PDE4D: variants seen among roughly 807,000 people sequenced by gnomAD.
The protein encoded by PDE4D is 3',5'-cyclic-AMP phosphodiesterase 4D.
In PDE4D, 24 loss-of-function variants were observed where a neutral mutation model predicts 87.4. That is an observed-to-expected ratio of 0.27 (90% confidence interval 0.20 to 0.39). PDE4D has a LOEUF of 0.39. PDE4D is among the 10% of genes least tolerant of loss of function. PDE4D has a pLI of 1.00. For synonymous variants in PDE4D, 384 were observed against 383.2 expected (o/e 1.00, Z -0.02); for missense variants, 714 against 1,041.0 (o/e 0.69, Z 4.32).
At chr5:59,293,751 G>T (rs1199512115) in intron 1 of PDE4D, among the ~76,000 whole-genome samples, 1 of 152,098 alleles carries the variant, frequency 6.6e-6, no homozygotes, top group Admixed American at 6.6e-5. Context: ...AGTGGGCAGG[G>T]TGCGTGTGCA....
chr5:59,570,711 G>A (rs1404904693), intron 1 of PDE4D, among the ~76,000 whole-genome samples: 5 of 151,664 alleles, frequency 3.3e-5, no homozygotes, highest in East Asian at 1.9e-4. Context: ...ATTTCTATCC[G>A]AACTAAGCTA....
intron 1 of PDE4D, among the ~76,000 whole-genome samples, chr5:59,852,827 A>G (rs935344280): frequency 4.6e-5 from 7 of 152,046 alleles, no homozygotes; most frequent in African/African-American, 1.7e-4. Context: ...ACAGGAATAA[A>G]AAAAAAAAGA....
Position 58,977,253 on chromosome 5 carries a change from C to T in PDE4D, c.1645G>A (p.Asp549Asn), listed in dbSNP as rs1238747360. 1 of 1,612,868 alleles carries T rather than the reference C, an allele frequency of 6.2e-7. No individual in the cohort carries two copies. Among genetic ancestry groups the T allele is most frequent in the Non-Finnish European group, 8.5e-7 (1 of 1,179,460 alleles). ...GFKLLQEENCDIFQNLTKKQR... is the reference protein window; with the variant it reads ...GFKLLQEENCNIFQNLTKKQR... ...TTTTTGGTCAAATTCTGGAAAATGTCACAGTTTTCTTCCTGAAGCAATTTA... is the reference window on the plus strand; with the variant it reads ...TTTTTGGTCAAATTCTGGAAAATGTTACAGTTTTCTTCCTGAAGCAATTTA... The change falls in exon 12 of 15, where the codon GAC becomes AAC. Residue 549 changes from aspartate (D) to asparagine (N), a missense_variant. Asp to Asn is a conservative substitution (Grantham distance 23, BLOSUM62 1). Coordinates refer to ENST00000340635, the MANE Select transcript of PDE4D (RefSeq NM_001104631.2).
chr5:59,493,806 G>C (rs1388263828), intron 1 of PDE4D, among the ~76,000 whole-genome samples: 1 of 152,178 alleles, frequency 6.6e-6, no homozygotes, highest in African/African-American at 2.4e-5. Context: ...ATTTATTTGT[G>C]AAAATGCATT....
intron 3 of PDE4D, among the ~76,000 whole-genome samples, chr5:59,963,097 T>C (rs1759655856): frequency 6.6e-6 from 1 of 152,106 alleles, no homozygotes. Flanking sequence ...AGCAAAAGCA[T>C]CTAGGGATGA....
chr5:60,026,091 A>G (rs1002629511), intron 2 of PDE4D, among the ~76,000 whole-genome samples: 3 of 152,208 alleles, frequency 2.0e-5, no homozygotes, highest in Non-Finnish European at 4.4e-5. Context: ...TGAGAGTTGA[A>G]TAGAGATATA....
intron 1 of PDE4D, among the ~76,000 whole-genome samples, chr5:59,812,212 G>A (rs76058795): frequency 0.022 from 3,378 of 152,242 alleles, 129 homozygotes; most frequent in African/African-American, 0.078. Flanking sequence ...TGAGGTCCAC[G>A]TCTGAAACCT....
At chr5:60,028,066 A>T (rs1466982596) in intron 2 of PDE4D, among the ~76,000 whole-genome samples, 1 of 152,060 alleles carries the variant, frequency 6.6e-6, no homozygotes, top group Non-Finnish European at 1.5e-5. Flanking sequence ...TCACTTCTCC[A>T]TTTGCTAAAT....
rs1582305522 is a variant in PDE4D, at chr5:60,038,838, G to A, written c.43-50121C>T. ...GCAGCCAAAAAACACATGAAAAAATGCTCACCATCACTGGCCATCAGAGAA... is the reference window on the plus strand; with the variant it reads ...GCAGCCAAAAAACACATGAAAAAATACTCACCATCACTGGCCATCAGAGAA... On this transcript the variant is annotated intron_variant, in intron 2 of 16. Transcript: ENST00000502484. 2.0e-5 allele frequency among the ~76,000 whole-genome samples: 3 copies of A among 151,686 alleles called. 1 individual carries two copies. The South Asian group carries it at 6.3e-4, about 32-fold the overall frequency.
chr5:59,657,349 C>T (rs192487765), intron 1 of PDE4D, among the ~76,000 whole-genome samples: 1 of 152,266 alleles, frequency 6.6e-6, no homozygotes. Context: ...CAATTCCATA[C>T]AAGGCTTGTG....
At chr5:59,069,685 G>A (rs1426781842) in intron 5 of PDE4D, among the ~76,000 whole-genome samples, 4 of 152,016 alleles carry the variant, frequency 2.6e-5, no homozygotes, top group Non-Finnish European at 4.4e-5. Flanking sequence ...GCCTTTATCC[G>A]CATTCCACTC....
At chr5:60,099,071 CATT>C (rs1293757976) in intron 2 of PDE4D, among the ~76,000 whole-genome samples, 1 of 151,898 alleles carries the variant, frequency 6.6e-6, no homozygotes, top group Non-Finnish European at 1.5e-5. Context: ...TTTACAGACT[CATT>C]ATTCTTATGT....
intron 1 of PDE4D, among the ~76,000 whole-genome samples, chr5:60,459,543 C>T (rs1746757621): frequency 6.6e-6 from 1 of 152,092 alleles, no homozygotes; most frequent in Admixed American, 6.6e-5. Context: ...ACACAGGGGC[C>T]TAGCACCCTC....
intron 5 of PDE4D, among the ~76,000 whole-genome samples, chr5:59,167,991 C>T (rs908340262): frequency 6.6e-6 from 1 of 152,094 alleles, no homozygotes; most frequent in East Asian, 1.9e-4. Flanking sequence ...GTCATAAACA[C>T]CCATCTGTTT....
chr5:60,375,625 T>C (rs1761369896), intron 1 of PDE4D, among the ~76,000 whole-genome samples: 1 of 152,216 alleles, frequency 6.6e-6, no homozygotes, highest in Non-Finnish European at 1.5e-5. Flanking sequence ...AAGGAGTCTC[T>C]TCCCTAGGCA....
At chr5:59,501,631 G>T (rs183322906) in intron 1 of PDE4D, among the ~76,000 whole-genome samples, 1 of 152,104 alleles carries the variant, frequency 6.6e-6, no homozygotes, top group Non-Finnish European at 1.5e-5. Context: ...CAGCAGTTGT[G>T]TACAATAATA....
intron 1 of PDE4D, among the ~76,000 whole-genome samples, chr5:59,488,275 C>A (rs1279321441): frequency 6.6e-6 from 1 of 151,808 alleles, no homozygotes; most frequent in Admixed American, 6.6e-5. Context: ...GCTGTAGCTT[C>A]GTTTCCTTTT....
intron 1 of PDE4D, among the ~76,000 whole-genome samples, chr5:59,370,844 C>T (rs557116035): frequency 3.7e-4 from 56 of 152,206 alleles, no homozygotes; most frequent in African/African-American, 1.1e-3. Context: ...AACACTTAAA[C>T]GTTATGATTG....
intron 1 of PDE4D, among the ~76,000 whole-genome samples, chr5:60,433,589 A>G (rs1744527976): frequency 1.3e-5 from 2 of 152,266 alleles, no homozygotes; most frequent in South Asian, 4.1e-4. Context: ...CCAAAGGAAT[A>G]TAAATCATTC....
Sources: allele counts gnomAD v4.1 joint callset (sites outside exome capture counted in the v4.1 genomes callset), GRCh38; gene constraint gnomAD v4.1.1; transcripts MANE v1.5; gene names NCBI Gene and HGNC (gene_info 2026-07-23, HGNC 2026-07-21).